Variants in ATMIN observed in about 807,000 individuals in gnomAD.
ATMIN encodes ATM INteracting protein.
Under a neutral mutation model 49.2 loss-of-function variants are expected in ATMIN, and 24 were observed. The observed-to-expected ratio is 0.49, with a 90% confidence interval of 0.35 to 0.69. The LOEUF (loss-of-function observed/expected upper bound fraction) is 0.69. ATMIN is among the 30% of genes least tolerant of loss of function. ATMIN has a pLI of 0.00. For missense variants in ATMIN, 1,037 were observed against 1,005.5 expected, an observed-to-expected ratio of 1.03 and a Z score of -0.42; for synonymous variants, 450 against 392.5, an observed-to-expected ratio of 1.15 and a Z score of -1.73.
Position 81,044,036 on chromosome 16 carries a change from T to C in ATMIN, c.1538T>C (p.Met513Thr), listed in dbSNP as rs1477937067. ...DDHVQMDQAG[M>T]CGDIFESVHS... ...CATGTACAGATGGACCAAGCTGGAA[T>C]GTGCGGAGACATTTTTGAGAGTGTT... Residue 513 changes from methionine to threonine, a missense_variant, in exon 4 of 4, where the codon ATG (methionine) becomes ACG (threonine). By Grantham distance (81) the Met-to-Thr change is moderately conservative. Coordinates refer to ENST00000299575, the MANE Select transcript of ATMIN (RefSeq NM_015251.3). 5 of 1,614,128 alleles carry C rather than the reference T, an allele frequency of 3.1e-6. No individual in the cohort carries two copies. Among genetic ancestry groups the C allele is most frequent in the Non-Finnish European group, 4.2e-6 (5 of 1,180,048 alleles).
chr16:81,039,150 G>C (rs1232597336), intron 1 of ATMIN, among the ~76,000 whole-genome samples: 3 of 152,138 alleles, frequency 2.0e-5, no homozygotes, highest in Non-Finnish European at 4.4e-5. Flanking sequence ...GTAGGGGTAA[G>C]GACAAGGAAC....
rs202062165 is a variant in ATMIN at position 81,043,340 on chromosome 16, A to T, written c.842A>T (p.Lys281Met). 1.2e-6 allele frequency: 2 copies of T among 1,601,438 alleles called. No individual in the cohort carries two copies. Among genetic ancestry groups the T allele is most frequent in the Non-Finnish European group, 1.7e-6 (2 of 1,174,830 alleles). ...FEDSCGSNTD[K>M]QTLTTPPRYP... The stretch of plus-strand genomic sequence containing the variant: ...GACTCTTGTGGCTCTAACACTGACA[A>T]GCAGACTCTTACAACACCACCGAGA... The change falls in exon 4 of 4, where the codon AAG becomes ATG. Residue 281 changes from lysine (K) to methionine (M), a missense_variant. Lys to Met is a moderately conservative substitution (Grantham distance 95). Transcript: ENST00000299575.
chr16:81,042,620 A>G, intron 3 of ATMIN, 140 bp downstream of exon 3: 1 of 918,906 alleles, frequency 1.1e-6, no homozygotes, highest in Non-Finnish European at 1.6e-6. Context: ...GCTTTTGAAA[A>G]TGGAAGCAGG....
rs945835327 is a variant in ATMIN, at chr16:81,036,854, G to A, written c.336+648G>A. Among the ~76,000 whole-genome samples the A allele has an allele frequency of 5.3e-5, 8 of 152,296 alleles. No homozygotes were observed. In the South Asian group the frequency reaches 1.0e-3, roughly 20 times the overall value. On this transcript the variant is annotated intron_variant, in intron 1 of 3. Transcript: ENST00000299575. The stretch of plus-strand genomic sequence containing the variant: ...CACCCCATCAGTAGGAATAATTACT[G>A]TGTGTCGATTATGAATAAAAAAATG...
intron 1 of ATMIN, among the ~76,000 whole-genome samples, chr16:81,038,241 C>T (rs563589773): frequency 6.7e-4 from 102 of 152,174 alleles, no homozygotes; most frequent in Admixed American, 3.4e-3. Flanking sequence ...AGCGAGTCTC[C>T]TGCCTCAGCC....
intron 1 of ATMIN, among the ~76,000 whole-genome samples, chr16:81,039,162 G>A (rs1422628954): frequency 1.3e-5 from 2 of 152,068 alleles, no homozygotes; most frequent in African/African-American, 2.4e-5. Flanking sequence ...ACAAGGAACC[G>A]GGAGGAAGGC....
Position 81,045,050 on chromosome 16 carries a change from TA to T in ATMIN, c.*82del. On this transcript the variant is annotated 3_prime_UTR_variant, in exon 4 of 4. Transcript: ENST00000299575. The stretch of plus-strand genomic sequence containing the variant: ...AACTACGGACTGGGGACAACAGTAT[TA>T]ATTCGATTGAATGTGGCTGATGATG... 1 of 1,507,466 alleles carries T rather than the reference TA, an allele frequency of 6.6e-7. No homozygotes were observed. Among genetic ancestry groups the T allele is most frequent in the South Asian group, 1.3e-5 (1 of 75,018 alleles). The allele number at this position is 1,507,466 out of a possible 1,614,324, so 93.4% of individuals were successfully genotyped here.
intron 1 of ATMIN, among the ~76,000 whole-genome samples, chr16:81,039,581 C>T (rs575518608): frequency 1.3e-5 from 2 of 152,214 alleles, no homozygotes; most frequent in Non-Finnish European, 1.5e-5. Context: ...GAAATCTAGC[C>T]CAGCCTTGTG....
In ATMIN at chr16:81,044,618, A is replaced by G. The variant is rs547493103; in HGVS notation, c.2120A>G (p.Asp707Gly). 6.2e-7 allele frequency: 1 copy of G among 1,614,208 alleles called. No individual in the cohort carries two copies. Among genetic ancestry groups the G allele is most frequent in the Admixed American group, 1.7e-5 (1 of 60,024 alleles). The change falls in exon 4 of 4, where the codon GAC becomes GGC. Residue 707 changes from aspartate to glycine, a missense_variant. Asp to Gly is a moderately conservative substitution (Grantham distance 94). Coordinates refer to ENST00000299575, the MANE Select transcript of ATMIN (RefSeq NM_015251.3). Reference protein sequence around the residue: ...LEMFDTQTQTDLNFFLDSSPH... With the variant: ...LEMFDTQTQTGLNFFLDSSPH... ...ATGTTTGACACACAGACACAGACAG[A>G]CTTAAACTTTTTCTTAGACAGTAGC...
chr16:81,044,210 A>G lies in ATMIN; in HGVS notation c.1712A>G (p.Gln571Arg). The G allele has an allele frequency of 1.2e-6, 2 of 1,614,190 alleles. No individual in the cohort carries two copies. Among genetic ancestry groups the G allele is most frequent in the South Asian group, 1.1e-5 (1 of 91,076 alleles). ...KSAPIINFSA[Q>R]NSMLPSQNMT... is the part of the protein sequence containing the mutation. ...GCACCAATTATAAATTTCAGTGCAC[A>G]GAATAGTATGCTTCCTTCACAGAAC... The change falls in exon 4 of 4, where the codon CAG becomes CGG. Residue 571 changes from glutamine to arginine, a missense_variant. Physicochemically the swap from Gln to Arg is conservative, Grantham distance 43. Transcript: ENST00000299575.
In ATMIN at chr16:81,045,000, G is replaced by A. The variant is rs1278784633; in HGVS notation, c.*30G>A. On this transcript the variant is annotated 3_prime_UTR_variant, in exon 4 of 4. Coordinates refer to ENST00000299575, the MANE Select transcript of ATMIN (RefSeq NM_015251.3). Reference sequence around the variant, plus strand: ...AACGGTGGAGTCCATGTGTGAAATGGCATCTACCATTTCCTCTGGATTAAA... The same window carrying A: ...AACGGTGGAGTCCATGTGTGAAATGACATCTACCATTTCCTCTGGATTAAA... The A allele has an allele frequency of 1.9e-6, 3 of 1,591,334 alleles. No individual in the cohort carries two copies. The highest frequency in any genetic ancestry group is 2.6e-6 in the Non-Finnish European group (3 of 1,167,312).
chr16:81,043,960 G>A lies in ATMIN; in HGVS notation c.1462G>A (p.Gly488Arg), dbSNP rs1368622130. 1 of 1,614,144 alleles carries A rather than the reference G, an allele frequency of 6.2e-7. No homozygotes were observed. The highest frequency in any genetic ancestry group is 2.2e-5 in the East Asian group (1 of 44,882). Residue 488 changes from glycine to arginine, a missense_variant, in exon 4 of 4, where the codon GGG (glycine) becomes AGG (arginine). Gly to Arg is a moderately radical substitution (Grantham distance 125). Transcript: ENST00000299575. ...TATGGACACCTGTTTCCAGTCAGGT[G>A]GGGTCTCCAGAGAAACTCAAACCAG... ...AFMDTCFQSG[G>R]VSRETQTSGI...
At position 81,045,777 on chromosome 16, in the gene ATMIN, A is replaced by C. The variant is rs936254848; in HGVS notation, c.*807A>C. On this transcript the variant is annotated 3_prime_UTR_variant, in exon 4 of 4. Coordinates refer to ENST00000299575, the MANE Select transcript of ATMIN (RefSeq NM_015251.3). ...ACGATCACTTGAGCCCAGGAGTTCA[A>C]CACCAGCTTGGGCAACGTAAGAAGA... 1 of 151,892 alleles carries C rather than the reference A, an allele frequency of 6.6e-6. No homozygotes were observed. Among genetic ancestry groups the C allele is most frequent in the Non-Finnish European group, 1.5e-5 (1 of 68,058 alleles). 9.4% of individuals were successfully genotyped at this position (151,892 alleles called of 1,614,324 possible). A position where few individuals can be genotyped will look rare whatever the true frequency, so the allele number is the denominator to read the frequency against.
chr16:81,042,258 A>G lies in ATMIN; in HGVS notation c.463-23A>G, dbSNP rs763293244. The G allele has an allele frequency of 3.7e-6, 6 of 1,610,012 alleles. 1 individual carries two copies. In the South Asian group the frequency reaches 6.6e-5, roughly 18 times the overall value. Reference sequence around the variant, plus strand: ...TTGACCAGTTGCTGTTTTTCACCTTAGTCCCTTCTGCGTTCCTCCTAGCAC... The same window carrying G: ...TTGACCAGTTGCTGTTTTTCACCTTGGTCCCTTCTGCGTTCCTCCTAGCAC... On this transcript the variant is annotated intron_variant, in intron 2 of 3. Transcript: ENST00000299575.
chr16:81,041,715 C>T, intron 2 of ATMIN: 1 of 407,578 alleles, frequency 2.5e-6, no homozygotes, highest in South Asian at 4.9e-5. Context: ...GAGAGTAAAC[C>T]AGTTCAGCAA....
chr16:81,036,069 G>T lies in ATMIN; in HGVS notation c.199G>T (p.Glu67Ter). The T allele has an allele frequency of 7.6e-7, 1 of 1,319,384 alleles. No individual in the cohort carries two copies. Among genetic ancestry groups the T allele is most frequent in the Non-Finnish European group, 9.8e-7 (1 of 1,023,236 alleles). 81.7% of individuals were successfully genotyped at this position (1,319,384 alleles called of 1,614,324 possible). The change falls in exon 1 of 4, where the codon GAG becomes TAG. Residue 67 changes from glutamate to a stop codon, truncating the protein, a stop_gained. Coordinates refer to ENST00000299575, the MANE Select transcript of ATMIN (RefSeq NM_015251.3). LOFTEE classifies it high-confidence loss of function. ...QPAVPAPPAG[E>*]LIQPSVSELS... ...CGCTGTCCCCGCGCCGCCGGCGGGG[G>T]AGCTGATCCAGCCGTCGGTGAGCGA...
chr16:81,043,514 G>A lies in ATMIN; in HGVS notation c.1016G>A (p.Gly339Glu). The A allele has an allele frequency of 6.2e-7, 1 of 1,614,108 alleles. No individual in the cohort carries two copies. Among genetic ancestry groups the A allele is most frequent in the Admixed American group, 1.7e-5 (1 of 60,016 alleles). The change falls in exon 4 of 4, where the codon GGG becomes GAG. Residue 339 changes from glycine (G) to glutamate (E), a missense_variant. Gly to Glu is a moderately conservative substitution (Grantham distance 98, BLOSUM62 -2). Transcript: ENST00000299575. The stretch of plus-strand genomic sequence containing the variant: ...GGTGTTGATCAGGGCTCTGCCACAG[G>A]GGCTGTGCACTTAATGCCCTTGTCA... Reference protein sequence around the residue: ...VLGVDQGSATGAVHLMPLSVG... With the variant: ...VLGVDQGSATEAVHLMPLSVG...
intron 1 of ATMIN, chr16:81,037,458 T>G: frequency 5.1e-6 from 5 of 985,438 alleles, no homozygotes; most frequent in Non-Finnish European, 4.8e-6. Context: ...AGGGAGCCAG[T>G]CAGGAAATGT....
chr16:81,036,386 G>T (rs1009901495), intron 1 of ATMIN, among the ~76,000 whole-genome samples, 180 bp downstream of exon 1: 2 of 151,918 alleles, frequency 1.3e-5, no homozygotes, highest in East Asian at 3.9e-4. Flanking sequence ...GGCAGGCGCC[G>T]CAGGTGCGGC....
Sources: gnomAD v4.1 joint callset for allele counts (sites outside exome capture counted in the v4.1 genomes callset) on GRCh38, gnomAD v4.1.1 for gene constraint, MANE v1.5 for transcripts, NCBI Gene and HGNC (gene_info 2026-07-23, HGNC 2026-07-21) for gene names.